The following NCOA7 variants were observed in gnomAD, a reference collection of about 807,000 sequenced individuals.
NCOA7 encodes 140 kDa estrogen receptor-associated protein.
A neutral mutation model predicts 104.3 loss-of-function variants in NCOA7; 45 were observed. The observed-to-expected ratio is 0.43, with a 90% confidence interval of 0.34 to 0.55. The LOEUF (loss-of-function observed/expected upper bound fraction) is 0.55. NCOA7 is among the 20% of genes least tolerant of loss of function. The pLI is 0.02. For synonymous variants in NCOA7, 398 were observed against 402.3 expected, an observed-to-expected ratio of 0.99 and a Z score of 0.13; for missense variants, 1,041 against 1,119.7, an observed-to-expected ratio of 0.93 and a Z score of 1.00.
intron 7 of NCOA7, among the ~76,000 whole-genome samples, chr6:125,883,281 T>C (rs1783995315): frequency 6.6e-6 from 1 of 152,204 alleles, no homozygotes; most frequent in South Asian, 2.1e-4. Flanking sequence ...AAAAATATGT[T>C]ATTGATGTGC....
chr6:125,860,358 T>G (rs1387173801), intron 3 of NCOA7, among the ~76,000 whole-genome samples: 1 of 152,226 alleles, frequency 6.6e-6, no homozygotes, highest in African/African-American at 2.4e-5. Flanking sequence ...TTTCTTTTTC[T>G]TTTTGTTGAG....
chr6:125,874,795 T>G, intron 3 of NCOA7, 94 bp from the exon 4 acceptor site: 1 of 869,056 alleles, frequency 1.2e-6, no homozygotes, highest in Non-Finnish European at 1.9e-6. Flanking sequence ...TTTTTGTCAG[T>G]TGATTTGAAA....
At chr6:125,912,404 A>G (rs1375336000) in intron 10 of NCOA7, among the ~76,000 whole-genome samples, 1 of 152,258 alleles carries the variant, frequency 6.6e-6, no homozygotes, top group Non-Finnish European at 1.5e-5. Flanking sequence ...AAGCATACTA[A>G]GAGTCTATAT....
Position 125,927,723 on chromosome 6 carries a change from G to A in NCOA7, c.2584G>A (p.Glu862Lys), listed in dbSNP as rs776613341. 6.2e-6 allele frequency: 10 copies of A among 1,613,974 alleles called. No individual in the cohort carries two copies. The Admixed American group carries it at 1.2e-4, about 19-fold the overall frequency. ...CAGTGACCACTATTATGGCACAGGC[G>A]AAACTTTTCTCTACACATTCAGCCC... ...KFSDHYYGTG[E>K]TFLYTFSPHF... The change falls in exon 14 of 16, where the codon GAA becomes AAA. Residue 862 changes from glutamate (E) to lysine (K), a missense_variant. Coordinates refer to ENST00000392477, the MANE Select transcript of NCOA7 (RefSeq NM_181782.5).
At chr6:125,841,353 G>A (rs994745961) in intron 2 of NCOA7, among the ~76,000 whole-genome samples, 3 of 152,094 alleles carry the variant, frequency 2.0e-5, no homozygotes, top group Non-Finnish European at 2.9e-5. Flanking sequence ...TGGGTTTGTA[G>A]TAAGTATATT....
chr6:125,854,925 C>T (rs936298719), intron 2 of NCOA7, 95 bp from the exon 3 acceptor site: 1 of 756,660 alleles, frequency 1.3e-6, no homozygotes, highest in Non-Finnish European at 2.1e-6. Flanking sequence ...TGTATCAGTT[C>T]ATTAGTTTTC....
At chr6:125,870,554 T>G (rs1782804247) in intron 3 of NCOA7, among the ~76,000 whole-genome samples, 1 of 152,202 alleles carries the variant, frequency 6.6e-6, no homozygotes, top group African/African-American at 2.4e-5. Flanking sequence ...CAGGCCTCCT[T>G]TTAAAATTTA....
At chr6:125,848,757 C>A (rs1780854716) in intron 2 of NCOA7, among the ~76,000 whole-genome samples, 1 of 151,912 alleles carries the variant, frequency 6.6e-6, no homozygotes, top group Admixed American at 6.6e-5. Flanking sequence ...ATGTAACAAA[C>A]CTGCATGTTG....
At chr6:125,902,493 T>C (rs1481301268) in intron 10 of NCOA7, among the ~76,000 whole-genome samples, 1 of 151,998 alleles carries the variant, frequency 6.6e-6, no homozygotes, top group African/African-American at 2.4e-5. Flanking sequence ...TTTTTTTTTT[T>C]TTAAAGTGGG....
Position 125,889,318 on chromosome 6 carries a change from C to A in NCOA7, c.1264C>A (p.Leu422Ile). 1.2e-6 allele frequency: 2 copies of A among 1,614,144 alleles called. No individual in the cohort carries two copies. The highest frequency in any genetic ancestry group is 1.7e-6 in the Non-Finnish European group (2 of 1,179,990). Residue 422 changes from leucine (L) to isoleucine (I), a missense_variant, in exon 9 of 16, where the codon CTT (leucine) becomes ATT (isoleucine). By Grantham distance (5) the Leu-to-Ile change is conservative. Transcript: ENST00000392477. The stretch of plus-strand genomic sequence containing the variant: ...TGATGATTTTGTTGACTTGGAAGAA[C>A]TTTCTTCTCAAACTGGTGGTGGAAT... ...EDDDFVDLEELSSQTGGGMHK... is the reference protein window; with the variant it reads ...EDDDFVDLEEISSQTGGGMHK...
chr6:125,794,398 A>T (rs1775119729), intron 1 of NCOA7, among the ~76,000 whole-genome samples: 1 of 152,242 alleles, frequency 6.6e-6, no homozygotes, highest in Admixed American at 6.5e-5. Flanking sequence ...TTTAATAATC[A>T]TATAAAAATT....
chr6:125,806,621 C>T (rs960811505), intron 1 of NCOA7, among the ~76,000 whole-genome samples: 2 of 152,116 alleles, frequency 1.3e-5, no homozygotes, highest in East Asian at 1.9e-4. Context: ...GTGGGAAGGG[C>T]GCTACTGGCA....
chr6:125,822,149 A>G lies in NCOA7; in HGVS notation c.50+6745A>G, dbSNP rs554548425. ...GGCCAAGGGCTGTTAGAGATTTATC[A>G]TCTTAAATCATCTTTAGTATGTCTG... On this transcript the variant is annotated intron_variant, in intron 2 of 15. Transcript: ENST00000392477. Among the ~76,000 whole-genome samples, 269 of 152,334 alleles carry G rather than the reference A, an allele frequency of 1.8e-3. 1 individual carries two copies. Among genetic ancestry groups the G allele is most frequent in the Admixed American group, 3.9e-3 (59 of 15,302 alleles).
chr6:125,878,433 C>A, intron 5 of NCOA7, 63 bp downstream of exon 5: 1 of 1,076,482 alleles, frequency 9.3e-7, no homozygotes, highest in Non-Finnish European at 1.4e-6. Flanking sequence ...TTGCCGTTTT[C>A]AGTGCCTCAC....
At chr6:125,808,512 T>C (rs1776669636) in intron 1 of NCOA7, among the ~76,000 whole-genome samples, 1 of 152,204 alleles carries the variant, frequency 6.6e-6, no homozygotes, top group Admixed American at 6.5e-5. Flanking sequence ...CCAAAAGTGA[T>C]CCACTTGTCC....
intron 10 of NCOA7, among the ~76,000 whole-genome samples, chr6:125,897,028 G>A (rs1009211450): frequency 1.3e-5 from 2 of 152,232 alleles, no homozygotes; most frequent in African/African-American, 2.4e-5. Context: ...ATTACATAAT[G>A]TCAAGCATAA....
chr6:125,838,468 G>T (rs1779820778), intron 2 of NCOA7, among the ~76,000 whole-genome samples: 1 of 152,144 alleles, frequency 6.6e-6, no homozygotes, highest in Non-Finnish European at 1.5e-5. Flanking sequence ...GACCTGGCTG[G>T]ATTGATGCAA....
chr6:125,861,252 C>T (rs1782025106), intron 3 of NCOA7, among the ~76,000 whole-genome samples: 1 of 152,120 alleles, frequency 6.6e-6, no homozygotes, highest in African/African-American at 2.4e-5. Flanking sequence ...CAAAGGCAGC[C>T]CAACACTTTT....
chr6:125,800,187 A>C (rs991820002), intron 1 of NCOA7, among the ~76,000 whole-genome samples: 7 of 152,244 alleles, frequency 4.6e-5, no homozygotes, highest in African/African-American at 1.7e-4. Context: ...CTGTCAGAGA[A>C]TTATTAAGTT....
Sources: gnomAD v4.1 joint callset for allele counts (sites outside exome capture counted in the v4.1 genomes callset) on GRCh38, gnomAD v4.1.1 for gene constraint, MANE v1.5 for transcripts, NCBI Gene and HGNC (gene_info 2026-07-23, HGNC 2026-07-21) for gene names.